ZNF273: variants seen among roughly 807,000 people sequenced by gnomAD.
ZNF273 encodes zinc finger protein 273.
In ZNF273, 11 loss-of-function variants were observed where a neutral mutation model predicts 14.9. The ratio of observed to expected loss-of-function variants is 0.74; its 90% confidence interval spans 0.46 to 1.22. The LOEUF is 1.22. ZNF273 is among the 50% of genes most tolerant of loss of function. The probability of loss-of-function intolerance (pLI) is 0.00; values close to 1 mark genes in which losing one functional copy is unlikely to be tolerated. For missense variants in ZNF273, 577 were observed against 660.6 expected, an observed-to-expected ratio of 0.87 and a Z score of 1.39; for synonymous variants, 199 against 223.9, an observed-to-expected ratio of 0.89 and a Z score of 0.99.
chr7:64,920,350 A>G (rs1794337490), intron 3 of ZNF273, among the ~76,000 whole-genome samples: 1 of 152,128 alleles, frequency 6.6e-6, no homozygotes, highest in Middle Eastern at 3.2e-3. Context: ...TTCACTGAGT[A>G]CCAGAGAGGA....
chr7:64,929,777 T>A lies in ZNF273; in HGVS notation c.*739T>A, dbSNP rs1478534985. The A allele has an allele frequency of 6.6e-6, 1 of 152,102 alleles. No individual in the cohort carries two copies. The highest frequency in any genetic ancestry group is 1.5e-5 in the Non-Finnish European group (1 of 68,062). 9.4% of individuals were successfully genotyped at this position (152,102 alleles called of 1,614,324 possible). A position where few individuals can be genotyped will look rare whatever the true frequency, so the allele number is the denominator to read the frequency against. ...AGAGTACACTTTTCTTTGGAAAAAA[T>A]TACAGGTTTTTTGAAAAGTGAATAA... On this transcript the variant is annotated 3_prime_UTR_variant, in exon 4 of 4. Transcript: ENST00000476120.
chr7:64,927,533 C>A, intron 3 of ZNF273, 121 bp from the exon 4 acceptor site: 1 of 770,064 alleles, frequency 1.3e-6, no homozygotes. Context: ...GGAATTAGGG[C>A]CTGTGGTATT....
At position 64,917,573 on chromosome 7, in the gene ZNF273, T is replaced by G. The variant is rs1289073707; in HGVS notation, c.103-8T>G. 6 of 1,591,660 alleles carry G rather than the reference T, an allele frequency of 3.8e-6. No individual in the cohort carries two copies. The highest frequency in any genetic ancestry group is 1.3e-5 in the African/African-American group (1 of 74,312). On this transcript the variant is annotated splice_region_variant and splice_polypyrimidine_tract_variant and intron_variant, in intron 1 of 3. Coordinates refer to ENST00000476120, the MANE Select transcript of ZNF273 (RefSeq NM_021148.3). ...GTAAATATGTTTTTGTGTGTGTGTG[T>G]TTTTCAGGGACCACTGACATTTAGG...
intron 1 of ZNF273, among the ~76,000 whole-genome samples, chr7:64,885,513 C>T (rs1189552959): frequency 6.6e-6 from 1 of 152,176 alleles, no homozygotes; most frequent in Non-Finnish European, 1.5e-5. Context: ...CACTATCTAC[C>T]CTTTAGGAAT....
At chr7:64,878,672 A>T (rs1791178259) in intron 2 of ZNF273, among the ~76,000 whole-genome samples, 1 of 152,240 alleles carries the variant, frequency 6.6e-6, no homozygotes, top group Non-Finnish European at 1.5e-5. Flanking sequence ...TTGGGGAACC[A>T]CTGGAGCCCA....
chr7:64,925,521 T>C (rs1433106578), intron 3 of ZNF273, among the ~76,000 whole-genome samples: 2 of 152,076 alleles, frequency 1.3e-5, no homozygotes, highest in Non-Finnish European at 2.9e-5. Context: ...CACCACAACC[T>C]CTGTTTCCCA....
At chr7:64,914,182 A>ATTTTT (rs375695781) in intron 1 of ZNF273, among the ~76,000 whole-genome samples, 1 of 70,890 alleles carries the variant, frequency 1.4e-5, no homozygotes, top group African/African-American at 6.6e-5. Flanking sequence ...TAATTTTTGT[A>ATTTTT]TTTTTTTTTT....
Position 64,928,306 on chromosome 7 carries a change from C to G in ZNF273, c.978C>G (p.Gly326=). The G allele has an allele frequency of 1.9e-6, 3 of 1,613,144 alleles. No homozygotes were observed. Among genetic ancestry groups the G allele is most frequent in the Non-Finnish European group, 2.5e-6 (3 of 1,179,602 alleles). ...KPYNCEECGK[G]FSIFSTLTKH... ...ACAATTGTGAAGAATGTGGCAAAGGCTTTAGTATATTCTCAACCCTTACTA... is the reference window on the plus strand; with the variant it reads ...ACAATTGTGAAGAATGTGGCAAAGGGTTTAGTATATTCTCAACCCTTACTA... The change falls in exon 4 of 4, where the codon GGC becomes GGG. Residue 326 remains glycine (G), a synonymous_variant. Transcript: ENST00000476120.
At chr7:64,921,304 C>T (rs896272779) in intron 3 of ZNF273, among the ~76,000 whole-genome samples, 3 of 152,012 alleles carry the variant, frequency 2.0e-5, no homozygotes, top group Admixed American at 6.6e-5. Context: ...CCTCGTGATC[C>T]GCCCACCTCA....
At chr7:64,927,513 T>A in intron 3 of ZNF273, 141 bp from the exon 4 acceptor site, 6 of 670,752 alleles carry the variant, frequency 8.9e-6, no homozygotes, top group Middle Eastern at 2.8e-4. Flanking sequence ...TACATTGATA[T>A]GTCTGTGAAG....
intron 1 of ZNF273, among the ~76,000 whole-genome samples, chr7:64,915,034 A>AT (rs930083398): frequency 3.1e-5 from 4 of 127,216 alleles, no homozygotes; most frequent in African/African-American, 9.0e-5. Context: ...CTCTACTTGC[A>AT]TTTTTCTTCC....
At chr7:64,914,742 C>T (rs530727536) in intron 1 of ZNF273, among the ~76,000 whole-genome samples, 5 of 152,108 alleles carry the variant, frequency 3.3e-5, no homozygotes, top group Admixed American at 2.0e-4. Context: ...AGAACAGAAA[C>T]GGGCGGGCTT....
chr7:64,937,082 G>A, the ZNF273 span, among the ~76,000 whole-genome samples: 2 of 152,066 alleles, frequency 1.3e-5, no homozygotes, highest in African/African-American at 4.8e-5. Flanking sequence ...ATATTACCTG[G>A]CGCAATAGAA....
upstream of ZNF273, among the ~76,000 whole-genome samples, chr7:64,900,298 G>A (rs1011428314): frequency 2.0e-5 from 3 of 151,938 alleles, no homozygotes; most frequent in East Asian, 1.9e-4. Flanking sequence ...GGCAATTTTT[G>A]TACTTTTAGT....
chr7:64,889,403 G>T (rs1016902815), downstream of ZNF273: 9 of 983,242 alleles, frequency 9.2e-6, no homozygotes, highest in Non-Finnish European at 9.7e-6. This position sits in a 1 kb window ranked among gnomAD's most constrained non-coding sequence, Gnocchi z 4.2. Context: ...GCTCCTGCGG[G>T]TGACCAGGAG....
upstream of ZNF273, among the ~76,000 whole-genome samples, chr7:64,898,652 G>T (rs1183162023): frequency 1.3e-5 from 2 of 152,170 alleles, no homozygotes; most frequent in African/African-American, 2.4e-5. Flanking sequence ...TTATAATATG[G>T]TAAGTGTGTT....
chr7:64,918,684 A>AAG (rs1195085601), intron 3 of ZNF273, among the ~76,000 whole-genome samples: 82 of 124,486 alleles, frequency 6.6e-4, no homozygotes, highest in Non-Finnish European at 1.3e-3. Context: ...AAAAAAAAAA[A>AAG]AAAATGTGAT....
chr7:64,892,573 T>C (rs1354543984), downstream of ZNF273, among the ~76,000 whole-genome samples: 1 of 152,090 alleles, frequency 6.6e-6, no homozygotes, highest in African/African-American at 2.4e-5. Flanking sequence ...AAAACTAGGA[T>C]GTGGACACAC....
In ZNF273 at chr7:64,903,292, G is replaced by T. The variant is rs766606065; in HGVS notation, c.-26G>T. ...GCCTTTGTCTCTCGCTGCAGTCGCA[G>T]CTCCAGGTCTCGTCTTCACTGCTCT... On this transcript the variant is annotated 5_prime_UTR_variant, in exon 1 of 4. Coordinates refer to ENST00000476120, the MANE Select transcript of ZNF273 (RefSeq NM_021148.3). 3 of 1,578,608 alleles carry T rather than the reference G, an allele frequency of 1.9e-6. No individual in the cohort carries two copies. The African/African-American group carries it at 4.1e-5, about 21-fold the overall frequency.
Sources: gnomAD v4.1 joint callset for allele counts (sites outside exome capture counted in the v4.1 genomes callset) on GRCh38, gnomAD v4.1.1 for gene constraint, Gnocchi (gnomAD v3.1) non-coding constraint, MANE v1.5 for transcripts, NCBI Gene and HGNC (gene_info 2026-07-23, HGNC 2026-07-21) for gene names.